EHMT1: variants seen among roughly 807,000 people sequenced by gnomAD.
EHMT1 encodes the protein euchromatic histone lysine methyltransferase 1, also known as histone-lysine N-methyltransferase EHMT1.
Under a neutral mutation model 147.2 loss-of-function variants are expected in EHMT1, and 15 were observed. The ratio of observed to expected loss-of-function variants is 0.10; its 90% CI spans 0.07 to 0.16. EHMT1 has a LOEUF of 0.16. Ranked by LOEUF, EHMT1 falls within the 10% of genes least tolerant of loss-of-function variation. The pLI is 1.00. For missense variants in EHMT1, 1,587 were observed against 1,772.4 expected (o/e 0.90, Z 1.88); for synonymous variants, 795 against 709.6 (o/e 1.12, Z -1.91).
rs111398125 is a variant in EHMT1 at position 137,810,240 on chromosome 9, G to A, written c.2713-1221G>A. On this transcript the variant is annotated intron_variant, in intron 18 of 26. Coordinates refer to ENST00000460843, the MANE Select transcript of EHMT1 (RefSeq NM_024757.5). ...CCGGAGGCGGTTCCGATGCCGCCCC[G>A]CGTGGACCGTCGGTGATGGGTCCGG... is the stretch of plus-strand genomic sequence containing the variant. 2.9e-4 allele frequency among the ~76,000 whole-genome samples: 32 copies of A among 111,132 alleles called. 1 individual carries two copies. In the South Asian group the frequency reaches 7.1e-3, roughly 25 times the overall value. The allele number at this position is 111,132 out of a possible 152,430, so 72.9% of individuals were successfully genotyped here.
At chr9:137,834,067 C>A in intron 25 of EHMT1, 2 of 530,132 alleles carry the variant, frequency 3.8e-6, no homozygotes, top group Non-Finnish European at 6.9e-6. Context: ...GCGCTGGAAG[C>A]CCCATGGGGA....
chr9:137,694,884 T>C (rs544081268), intron 1 of EHMT1, among the ~76,000 whole-genome samples: 1 of 152,288 alleles, frequency 6.6e-6, no homozygotes, highest in South Asian at 2.1e-4. Context: ...CTCTCGGTCT[T>C]GAAGGAGATG....
chr9:137,798,674 C>A, intron 16 of EHMT1, 139 bp from the exon 17 acceptor site: 1 of 768,368 alleles, frequency 1.3e-6, no homozygotes, highest in Non-Finnish European at 2.3e-6. Context: ...TCGGCCTCAG[C>A]CTGGGTTTCC....
At position 137,761,874 on chromosome 9, in the gene EHMT1, C is replaced by A. The variant is rs935019038; in HGVS notation, c.1502-801C>A. 7.2e-5 allele frequency among the ~76,000 whole-genome samples: 11 copies of A among 152,250 alleles called. No individual in the cohort carries two copies. In the South Asian group the frequency reaches 1.2e-3, roughly 17 times the overall value. On this transcript the variant is annotated intron_variant, in intron 9 of 26. Coordinates refer to ENST00000460843, the MANE Select transcript of EHMT1 (RefSeq NM_024757.5). The stretch of plus-strand genomic sequence containing the variant: ...GAAAACGTGAAATGCGATCTGGCTT[C>A]CTTTGGGAGCGGCACCCACTGTAGC...
chr9:137,800,444 G>T, intron 17 of EHMT1: 1 of 226,170 alleles, frequency 4.4e-6, no homozygotes, highest in Non-Finnish European at 8.9e-6. Context: ...GAGGCTGAAG[G>T]AGGAGCAGAA....
intron 1 of EHMT1, among the ~76,000 whole-genome samples, chr9:137,660,793 T>C (rs751844226): frequency 7.2e-5 from 11 of 152,342 alleles, no homozygotes; most frequent in Non-Finnish European, 1.6e-4. Context: ...TCTAGATAAC[T>C]GATGATTCTC....
chr9:137,833,775 A>AGC (rs1039779989), intron 25 of EHMT1, among the ~76,000 whole-genome samples: 1 of 152,194 alleles, frequency 6.6e-6, no homozygotes, highest in Non-Finnish European at 1.5e-5. Flanking sequence ...CAGTCACATC[A>AGC]GCACCCGGAA....
intron 6 of EHMT1, chr9:137,745,923 C>T (rs1408807237): frequency 5.3e-6 from 1 of 187,668 alleles, no homozygotes; most frequent in Non-Finnish European, 1.1e-5. Flanking sequence ...CTGAGTCATG[C>T]CTGGGGCTGA....
intron 1 of EHMT1, among the ~76,000 whole-genome samples, chr9:137,696,967 C>T (rs1483802721): frequency 2.0e-5 from 3 of 152,202 alleles, no homozygotes; most frequent in Non-Finnish European, 1.5e-5. Flanking sequence ...CCAGAGCAGA[C>T]CACAGAGCTG....
chr9:137,782,539 C>A lies in EHMT1; in HGVS notation c.2382+142C>A. 1 of 776,474 alleles carries A rather than the reference C, an allele frequency of 1.3e-6. No homozygotes were observed. Among genetic ancestry groups the A allele is most frequent in the Non-Finnish European group, 2.2e-6 (1 of 462,584 alleles). The allele number at this position is 776,474 out of a possible 1,614,324, so 48.1% of individuals were successfully genotyped here. A position where few individuals can be genotyped will look rare whatever the true frequency, so the allele number is the denominator to read the frequency against. ...TCGGGCACAGAGTCAGCTTTTCTGC[C>A]CCCGAGTCCTGCAGGTGGATCAGTG... On this transcript the variant is annotated intron_variant, in intron 15 of 26. Coordinates refer to ENST00000460843, the MANE Select transcript of EHMT1 (RefSeq NM_024757.5). The surrounding 1 kb of genome is among the most constrained non-coding windows in gnomAD (Gnocchi z 5.7).
Position 137,775,882 on chromosome 9 carries a change from GGTGT to G in EHMT1, c.1791+645_1791+648del, listed in dbSNP as rs10627906. On this transcript the variant is annotated intron_variant, in intron 11 of 26. Coordinates refer to ENST00000460843, the MANE Select transcript of EHMT1 (RefSeq NM_024757.5). The surrounding 1 kb of genome is among the most constrained non-coding windows in gnomAD (Gnocchi z 6.1). ...TGTGTGGGCATCCTCGTGCATGTAG[GGTGT>G]GTGTGTGTGTGTGTCTGTGCGCGCA... Among the ~76,000 whole-genome samples the G allele has an allele frequency of 2.0e-5, 3 of 150,002 alleles. No individual in the cohort carries two copies. Among genetic ancestry groups the G allele is most frequent in the African/African-American group, 7.4e-5 (3 of 40,760 alleles).
intron 10 of EHMT1, among the ~76,000 whole-genome samples, chr9:137,766,993 A>G (rs1206459924): frequency 6.6e-6 from 1 of 151,798 alleles, no homozygotes; most frequent in African/African-American, 2.4e-5. Context: ...AAGTTTTAAT[A>G]TTTTTATTTT....
Position 137,750,077 on chromosome 9 carries a change from C to A in EHMT1, c.1171-2254C>A, listed in dbSNP as rs148937091. ...GAGAAGAGTTTGCTGAGAATATACTCATCCATCTGAAACATCTAGCAAAAT... is the reference window on the plus strand; with the variant it reads ...GAGAAGAGTTTGCTGAGAATATACTAATCCATCTGAAACATCTAGCAAAAT... On this transcript the variant is annotated intron_variant, in intron 6 of 26. Transcript: ENST00000460843. Among the ~76,000 whole-genome samples the A allele has an allele frequency of 1.8e-3, 272 of 152,306 alleles. 2 individuals carry two copies. Among genetic ancestry groups the A allele is most frequent in the Admixed American group, 2.2e-3 (34 of 15,308 alleles).
intron 1 of EHMT1, among the ~76,000 whole-genome samples, chr9:137,647,594 C>CT (rs1365222941): frequency 0.042 from 5,395 of 129,574 alleles, 441 homozygotes; most frequent in African/African-American, 0.14. Context: ...CTGCTCTTGC[C>CT]TTTTTTTTTT....
At chr9:137,624,741 C>T (rs757771387) in intron 1 of EHMT1, among the ~76,000 whole-genome samples, 2 of 151,984 alleles carry the variant, frequency 1.3e-5, no homozygotes, top group African/African-American at 4.8e-5. Context: ...GGATTACAGG[C>T]GTGAGCCACT....
At chr9:137,697,370 C>T (rs913860523) in intron 1 of EHMT1, among the ~76,000 whole-genome samples, 6 of 152,190 alleles carry the variant, frequency 3.9e-5, no homozygotes, top group Admixed American at 6.5e-5. Flanking sequence ...GTCTCTGGTT[C>T]CAGGGCAGGC....
At position 137,821,380 on chromosome 9, in the gene EHMT1, T is replaced by G. The variant is rs1399540552; in HGVS notation, c.3540+3242T>G. 2.9e-5 allele frequency among the ~76,000 whole-genome samples: 4 copies of G among 136,646 alleles called. No homozygotes were observed. The East Asian group carries it at 9.2e-4, about 31-fold the overall frequency. 89.6% of individuals were successfully genotyped at this position (136,646 alleles called of 152,430 possible). Reference sequence around the variant, plus strand: ...TCTTGCTGTGTTGCCCAGGCTGGAGTGCAGTGGCATAATCATAGCTCACTG... The same window carrying G: ...TCTTGCTGTGTTGCCCAGGCTGGAGGGCAGTGGCATAATCATAGCTCACTG... On this transcript the variant is annotated intron_variant, in intron 25 of 26. Coordinates refer to ENST00000460843, the MANE Select transcript of EHMT1 (RefSeq NM_024757.5).
At position 137,813,793 on chromosome 9, in the gene EHMT1, C is replaced by CT. The variant is rs1433124524; in HGVS notation, c.3180+269dup. On this transcript the variant is annotated intron_variant, in intron 21 of 26. Transcript: ENST00000460843. The surrounding 1 kb of genome is among the most constrained non-coding windows in gnomAD (Gnocchi z 4.9). Reference sequence around the variant, plus strand: ...AAAGCAGTGGCAGGCATCTTTGTGCCTTTTTTGTAACCTCACACTCAGGGG... The same window carrying CT: ...AAAGCAGTGGCAGGCATCTTTGTGCCTTTTTTTGTAACCTCACACTCAGGGG... Among the ~76,000 whole-genome samples the CT allele has an allele frequency of 6.6e-6, 1 of 152,130 alleles. No homozygotes were observed. The highest frequency in any genetic ancestry group is 1.5e-5 in the Non-Finnish European group (1 of 68,012).
At chr9:137,757,697 C>T (rs556428634) in intron 8 of EHMT1, among the ~76,000 whole-genome samples, 183 bp from the exon 9 acceptor site, 7 of 152,064 alleles carry the variant, frequency 4.6e-5, no homozygotes, top group East Asian at 3.9e-4. Flanking sequence ...AAATAATATG[C>T]GGGAGAGAAA....
Sources: allele counts gnomAD v4.1 joint callset (sites outside exome capture counted in the v4.1 genomes callset), GRCh38; gene constraint gnomAD v4.1.1; non-coding constraint Gnocchi (gnomAD v3.1); transcripts MANE v1.5; gene names NCBI Gene and HGNC (gene_info 2026-07-23, HGNC 2026-07-21).